Variants in PDE4D observed in about 807,000 individuals in gnomAD.
The protein encoded by PDE4D is 3',5'-cyclic-AMP phosphodiesterase 4D.
Under a neutral mutation model 87.4 loss-of-function variants are expected in PDE4D, and 24 were observed. That is an observed-to-expected ratio of 0.27 (90% CI 0.20 to 0.39). The LOEUF is 0.39. Ranked by LOEUF, PDE4D falls within the 10% of genes least tolerant of loss-of-function variation. The pLI is 1.00. For missense variants in PDE4D, 714 were observed against 1,041.0 expected (o/e 0.69, Z 4.32); for synonymous variants, 384 against 383.2 (o/e 1.00, Z -0.02).
chr5:59,058,292 A>C (rs1762635016), intron 5 of PDE4D, among the ~76,000 whole-genome samples: 1 of 152,172 alleles, frequency 6.6e-6, no homozygotes, highest in Non-Finnish European at 1.5e-5. Flanking sequence ...GAGATGTCAC[A>C]TGATTAGTGT....
At chr5:60,355,751 A>G (rs1444942343) in intron 1 of PDE4D, among the ~76,000 whole-genome samples, 1 of 152,022 alleles carries the variant, frequency 6.6e-6, no homozygotes, top group African/African-American at 2.4e-5. Context: ...AGAAAATGTT[A>G]TTAAGAAAAT....
chr5:59,734,677 G>A (rs549192031), intron 1 of PDE4D, among the ~76,000 whole-genome samples: 2 of 150,294 alleles, frequency 1.3e-5, no homozygotes, highest in South Asian at 2.1e-4. Flanking sequence ...CGATTTCATT[G>A]GATATGTCAT....
chr5:60,450,723 AC>A (rs1325557141), intron 1 of PDE4D, among the ~76,000 whole-genome samples: 1 of 152,154 alleles, frequency 6.6e-6, no homozygotes, highest in Non-Finnish European at 1.5e-5. Context: ...AGTTTCATTG[AC>A]CTGGCCAAAT....
At chr5:59,824,903 G>A (rs541352364) in intron 1 of PDE4D, among the ~76,000 whole-genome samples, 5 of 152,132 alleles carry the variant, frequency 3.3e-5, no homozygotes, top group African/African-American at 4.8e-5. Context: ...ATATATTACA[G>A]CATTATACCT....
intron 1 of PDE4D, among the ~76,000 whole-genome samples, chr5:59,731,521 A>T (rs537112920): frequency 2.6e-5 from 4 of 152,128 alleles, no homozygotes; most frequent in Admixed American, 6.6e-5. Flanking sequence ...AGATGATTCA[A>T]CCATTGTTAG....
intron 5 of PDE4D, among the ~76,000 whole-genome samples, chr5:59,165,201 TAATCTTAA>T (rs1449562402): frequency 6.6e-6 from 1 of 152,228 alleles, no homozygotes; most frequent in African/African-American, 2.4e-5. Flanking sequence ...CCCTATTAGA[TAATCTTAA>T]TAATAGTTAA....
chr5:60,498,444 C>A (rs1345175985), intron 1 of PDE4D, among the ~76,000 whole-genome samples: 1 of 152,104 alleles, frequency 6.6e-6, no homozygotes, highest in Non-Finnish European at 1.5e-5. Context: ...CCCAAAAGGC[C>A]AGAATTGTGT....
chr5:59,578,419 AAATTT>A (rs1206063239), intron 1 of PDE4D, among the ~76,000 whole-genome samples: 2 of 152,214 alleles, frequency 1.3e-5, no homozygotes, highest in Non-Finnish European at 2.9e-5. Context: ...AAACAGTTTC[AAATTT>A]AATAATTAAG....
At chr5:59,590,439 G>C (rs1825760251) in intron 1 of PDE4D, among the ~76,000 whole-genome samples, 1 of 152,130 alleles carries the variant, frequency 6.6e-6, no homozygotes, top group Non-Finnish European at 1.5e-5. Context: ...TAGCTACTTG[G>C]AAGGCTGATG....
chr5:60,297,349 C>A (rs752528907), intron 1 of PDE4D, among the ~76,000 whole-genome samples: 34 of 151,964 alleles, frequency 2.2e-4, no homozygotes, highest in Non-Finnish European at 3.8e-4. Context: ...GTAATGAAAG[C>A]TACAAATATG....
At chr5:60,165,225 T>C (rs1782782531) in intron 2 of PDE4D, among the ~76,000 whole-genome samples, 1 of 152,208 alleles carries the variant, frequency 6.6e-6, no homozygotes, top group African/African-American at 2.4e-5. Flanking sequence ...ATTCCATATC[T>C]TGGCTATCAT....
chr5:59,709,842 T>C (rs1753954532), intron 1 of PDE4D, among the ~76,000 whole-genome samples: 1 of 152,166 alleles, frequency 6.6e-6, no homozygotes, highest in Admixed American at 6.6e-5. Context: ...GTAATAACCA[T>C]TAGCATAATG....
chr5:59,129,636 T>A (rs540514129), intron 5 of PDE4D, among the ~76,000 whole-genome samples: 3 of 152,310 alleles, frequency 2.0e-5, no homozygotes, highest in African/African-American at 7.2e-5. Flanking sequence ...TTTTTCCCTA[T>A]CCCCAATAGT....
rs78613975 is a variant in PDE4D at position 60,076,577 on chromosome 5, G to C, written c.43-87860C>G. On this transcript the variant is annotated intron_variant, in intron 2 of 16. Coordinates refer to the PDE4D transcript ENST00000502484. ...CAGTTGACTGGCTCAATTTCTGGAAGATTTTAGGGGACCAAGACTCAACTC... is the reference window on the plus strand; with the variant it reads ...CAGTTGACTGGCTCAATTTCTGGAACATTTTAGGGGACCAAGACTCAACTC... Among the ~76,000 whole-genome samples the C allele has an allele frequency of 4.6e-5, 7 of 152,308 alleles. No individual in the cohort carries two copies. The East Asian group carries it at 1.4e-3, about 29-fold the overall frequency.
chr5:59,549,029 G>A (rs1817708259), intron 1 of PDE4D, among the ~76,000 whole-genome samples: 1 of 152,072 alleles, frequency 6.6e-6, no homozygotes, highest in Non-Finnish European at 1.5e-5. Flanking sequence ...GTGAATTGCT[G>A]ACTAATTTTA....
rs1378024225 is a variant in PDE4D, at chr5:59,372,868, T to C, written c.456-156900A>G. On this transcript the variant is annotated intron_variant, in intron 1 of 14. Transcript: ENST00000340635. The stretch of plus-strand genomic sequence containing the variant: ...ATGAGAAGACAAAGTTTGGGCCTCA[T>C]ACAAGTCCCCCAGAGTTAGTGCACA... Among the ~76,000 whole-genome samples, 11 of 152,264 alleles carry C rather than the reference T, an allele frequency of 7.2e-5. No homozygotes were observed. The East Asian group carries it at 1.9e-3, about 27-fold the overall frequency.
chr5:60,238,487 C>A (rs1746683083), intron 1 of PDE4D, among the ~76,000 whole-genome samples: 1 of 151,988 alleles, frequency 6.6e-6, no homozygotes, highest in Non-Finnish European at 1.5e-5. Flanking sequence ...TAAAGTCAAA[C>A]TGACTTTTCC....
At chr5:59,078,149 T>C (rs972821281) in intron 5 of PDE4D, among the ~76,000 whole-genome samples, 7 of 152,192 alleles carry the variant, frequency 4.6e-5, no homozygotes, top group African/African-American at 1.7e-4. Flanking sequence ...CAAGGAAGTA[T>C]GCACGACAAT....
chr5:59,280,707 A>G (rs1765644518), intron 1 of PDE4D, among the ~76,000 whole-genome samples: 1 of 152,104 alleles, frequency 6.6e-6, no homozygotes, highest in African/African-American at 2.4e-5. Context: ...CCTGATCCCA[A>G]TTCATACACA....
Sources: gnomAD v4.1 joint callset for allele counts (sites outside exome capture counted in the v4.1 genomes callset) on GRCh38, gnomAD v4.1.1 for gene constraint, MANE v1.5 for transcripts, NCBI Gene and HGNC (gene_info 2026-07-23, HGNC 2026-07-21) for gene names.